RANBP17: variants seen among roughly 807,000 people sequenced by gnomAD.
RANBP17 encodes the protein ran-binding protein 17.
In RANBP17, 158 loss-of-function variants were observed where a neutral mutation model predicts 141.2. The observed-to-expected ratio is 1.12, with a 90% CI of 0.98 to 1.28. The LOEUF (loss-of-function observed/expected upper bound fraction) is 1.28. Ranked by LOEUF, RANBP17 falls within the 50% of genes most tolerant of loss-of-function variation. The probability of loss-of-function intolerance (pLI) is 0.00; values close to 1 mark genes in which losing one functional copy is unlikely to be tolerated. For synonymous variants in RANBP17, 430 were observed against 450.0 expected (o/e 0.96, Z 0.56); for missense variants, 1,438 against 1,290.7 (o/e 1.11, Z -1.75).
At chr5:171,288,690 C>G (rs2128042124) in intron 25 of RANBP17, among the ~76,000 whole-genome samples, 1 of 152,286 alleles carries the variant, frequency 6.6e-6, no homozygotes, top group South Asian at 2.1e-4. Flanking sequence ...ATGCAAGTGC[C>G]CAGCAGAGCA....
intron 25 of RANBP17, among the ~76,000 whole-genome samples, chr5:171,285,584 G>A (rs1489794426): frequency 6.6e-6 from 1 of 152,166 alleles, no homozygotes; most frequent in Non-Finnish European, 1.5e-5. Context: ...AGTGCTGAGT[G>A]GCAAACCCTG....
Position 171,240,999 on chromosome 5 carries a change from A to G in RANBP17, c.2494A>G (p.Ile832Val). Residue 832 changes from isoleucine (I) to valine (V), a missense_variant, in exon 23 of 28, where the codon ATC (isoleucine) becomes GTC (valine). Ile to Val is a conservative substitution (Grantham distance 29). Transcript: ENST00000523189. ...IYPMKLKGIS[I>V]CYSALKSALC... ...TCCAATGAAACTCAAGGGCATCTCC[A>G]TCTGCTATTCAGCTCTCAAGTCTGC... is the stretch of plus-strand genomic sequence containing the variant. 1.9e-6 allele frequency: 3 copies of G among 1,613,984 alleles called. No homozygotes were observed. Among genetic ancestry groups the G allele is most frequent in the Non-Finnish European group, 2.5e-6 (3 of 1,179,894 alleles).
In RANBP17 at chr5:170,942,959, C is replaced by T. The variant is rs559865556; in HGVS notation, c.1469-10638C>T. ...GACCTCATTCTTTGTTAATATAAAC[C>T]GAAGGAGTTTTTATAGTTGGATACA... On this transcript the variant is annotated intron_variant, in intron 12 of 27. Transcript: ENST00000523189. Among the ~76,000 whole-genome samples, 3 of 152,030 alleles carry T rather than the reference C, an allele frequency of 2.0e-5. No individual in the cohort carries two copies. In the East Asian group the frequency reaches 5.8e-4, roughly 29 times the overall value.
chr5:170,972,293 T>G (rs1777046853), intron 14 of RANBP17, among the ~76,000 whole-genome samples: 1 of 150,976 alleles, frequency 6.6e-6, no homozygotes, highest in South Asian at 2.1e-4. Flanking sequence ...GTGATTTTCC[T>G]GCCTCAGCCT....
chr5:171,274,141 TGTGTGTGTGCGC>T (rs919274355), intron 25 of RANBP17, among the ~76,000 whole-genome samples: 6 of 130,694 alleles, frequency 4.6e-5, no homozygotes, highest in African/African-American at 1.2e-4. Flanking sequence ...TGTGTGTGTG[TGTGTGTGTGCGC>T]GCGCGCGCGC....
At chr5:170,940,376 T>C (rs1774228877) in intron 12 of RANBP17, among the ~76,000 whole-genome samples, 1 of 152,138 alleles carries the variant, frequency 6.6e-6, no homozygotes, top group Non-Finnish European at 1.5e-5. Context: ...AATTTAAAAC[T>C]TTTTGAGCAC....
At chr5:171,242,474 C>T (rs1038079678) in intron 23 of RANBP17, among the ~76,000 whole-genome samples, 2 of 152,148 alleles carry the variant, frequency 1.3e-5, no homozygotes, top group Non-Finnish European at 1.5e-5. Flanking sequence ...AAGTGCTAAC[C>T]ATATAAGGTA....
intron 14 of RANBP17, among the ~76,000 whole-genome samples, chr5:171,155,870 G>A (rs529693739): frequency 1.3e-5 from 2 of 152,198 alleles, no homozygotes; most frequent in Admixed American, 6.5e-5. Context: ...ACAGGAAATG[G>A]AGGAAATTAA....
rs552079958 is a variant in RANBP17, at chr5:171,057,463, TTTCAATACATAGAGTTCCTC to T, written c.1710+89091_1710+89110del. Among the ~76,000 whole-genome samples, 417 of 152,302 alleles carry T rather than the reference TTTCAATACATAGAGTTCCTC, an allele frequency of 2.7e-3. 2 individuals carry two copies. Among genetic ancestry groups the T allele is most frequent in the Middle Eastern group, 0.014 (4 of 294 alleles). On this transcript the variant is annotated intron_variant, in intron 14 of 27. Transcript: ENST00000523189. ...ATTATATCTCCTGGAAATCATTCCA[TTTCAATACATAGAGTTCCTC>T]TTCATTCTGTCTTATAGCTTCATAG...
At chr5:171,087,384 C>G (rs1203707828) in intron 14 of RANBP17, among the ~76,000 whole-genome samples, 3 of 151,910 alleles carry the variant, frequency 2.0e-5, no homozygotes, top group African/African-American at 4.8e-5. Context: ...TTACTTCCAG[C>G]TATGTGGTCA....
chr5:170,954,511 T>TACACACACAC (rs71787034), intron 13 of RANBP17, among the ~76,000 whole-genome samples: 45 of 125,728 alleles, frequency 3.6e-4, no homozygotes, highest in African/African-American at 1.3e-3. Context: ...TGGTATATTT[T>TACACACACAC]ACACACACAC....
intron 16 of RANBP17, among the ~76,000 whole-genome samples, chr5:171,177,348 T>G (rs938551252): frequency 7.9e-5 from 12 of 152,136 alleles, no homozygotes; most frequent in Admixed American, 3.9e-4. Context: ...TTTGATCTGA[T>G]CATTTCTCTT....
At chr5:171,232,877 C>T (rs1253035885) in intron 22 of RANBP17, among the ~76,000 whole-genome samples, 1 of 152,168 alleles carries the variant, frequency 6.6e-6, no homozygotes, top group African/African-American at 2.4e-5. Flanking sequence ...TCGCCTTTAG[C>T]TGAACATCTG....
intron 14 of RANBP17, among the ~76,000 whole-genome samples, chr5:170,972,267 C>T (rs141648598): frequency 0.012 from 1,833 of 149,660 alleles, 20 homozygotes; most frequent in Non-Finnish European, 0.018. Flanking sequence ...CTGCAACCTC[C>T]GCTTCCCAGG....
chr5:170,956,976 G>T (rs889158528), intron 13 of RANBP17, among the ~76,000 whole-genome samples: 6 of 151,422 alleles, frequency 4.0e-5, no homozygotes, highest in African/African-American at 1.5e-4. Flanking sequence ...AGGCTGAGGC[G>T]GGAGAATGGC....
chr5:171,069,391 C>T (rs867442211), intron 14 of RANBP17, among the ~76,000 whole-genome samples: 1 of 152,164 alleles, frequency 6.6e-6, no homozygotes, highest in African/African-American at 2.4e-5. Context: ...CAAGCAGTCA[C>T]CTGGATGCCA....
chr5:171,085,256 A>G (rs1475985954), intron 14 of RANBP17, among the ~76,000 whole-genome samples: 3 of 143,842 alleles, frequency 2.1e-5, no homozygotes, highest in African/African-American at 7.8e-5. Flanking sequence ...CAGGTTTGTC[A>G]AAGATCAGAT....
intron 25 of RANBP17, among the ~76,000 whole-genome samples, chr5:171,270,705 A>G (rs1355839426): frequency 6.6e-6 from 1 of 152,168 alleles, no homozygotes; most frequent in Non-Finnish European, 1.5e-5. Flanking sequence ...GTTTTATAGA[A>G]TTAGAGGGGC....
chr5:170,919,609 G>T lies in RANBP17; in HGVS notation c.1270G>T (p.Val424Leu), dbSNP rs766365499. 1.3e-6 allele frequency: 2 copies of T among 1,565,038 alleles called. No homozygotes were observed. The highest frequency in any genetic ancestry group is 4.5e-5 in the East Asian group (2 of 44,126). ...TSRLDSVAIVVRDHLDDPLDD... is the reference protein window; with the variant it reads ...TSRLDSVAIVLRDHLDDPLDD... ...TCGGTTGGACTCTGTTGCCATAGTT[G>T]TGAGGTATTCAAAAACTAAATGTTT... The change falls in exon 11 of 28, where the codon GTG becomes TTG. Residue 424 changes from valine to leucine, a missense_variant. Coordinates refer to ENST00000523189, the MANE Select transcript of RANBP17 (RefSeq NM_022897.5).
Sources: allele counts gnomAD v4.1 joint callset (sites outside exome capture counted in the v4.1 genomes callset), GRCh38; gene constraint gnomAD v4.1.1; transcripts MANE v1.5; gene names NCBI Gene and HGNC (gene_info 2026-07-23, HGNC 2026-07-21).